SNTG1: variants seen among roughly 807,000 people sequenced by gnomAD.
SNTG1 encodes the protein syntrophin gamma 1.
In SNTG1, 39 loss-of-function variants were observed where a neutral mutation model predicts 74.7. That is an observed-to-expected ratio of 0.52 (90% CI 0.40 to 0.68). SNTG1 has a LOEUF of 0.68. Ranked by LOEUF, SNTG1 falls within the 30% of genes least tolerant of loss-of-function variation. The pLI, the probability that SNTG1 is intolerant of heterozygous loss-of-function variation, is 0.00. For missense variants in SNTG1, 685 were observed against 609.5 expected, an observed-to-expected ratio of 1.12 and a Z score of -1.30; for synonymous variants, 254 against 217.1, an observed-to-expected ratio of 1.17 and a Z score of -1.49.
At chr8:50,228,458 A>G (rs1212613719) in intron 2 of SNTG1, among the ~76,000 whole-genome samples, 1 of 151,938 alleles carries the variant, frequency 6.6e-6, no homozygotes, top group Admixed American at 6.6e-5. Context: ...AAATACTAAA[A>G]TTACCTATCT....
chr8:50,669,820 G>A (rs1360093566), intron 15 of SNTG1, among the ~76,000 whole-genome samples: 3 of 152,274 alleles, frequency 2.0e-5, no homozygotes, highest in African/African-American at 7.2e-5. Context: ...AAATCCAGCA[G>A]CACATCAAAA....
chr8:50,685,983 C>G (rs1282778048), intron 15 of SNTG1, among the ~76,000 whole-genome samples: 1 of 151,870 alleles, frequency 6.6e-6, no homozygotes, highest in African/African-American at 2.4e-5. Flanking sequence ...TGCACGGGTA[C>G]CAAACATGTA....
intron 9 of SNTG1, among the ~76,000 whole-genome samples, chr8:50,520,966 T>C (rs189926777): frequency 6.6e-6 from 1 of 152,186 alleles, no homozygotes; most frequent in Non-Finnish European, 1.5e-5. Flanking sequence ...TAAGGACATA[T>C]GCACACATAT....
Position 50,335,826 on chromosome 8 carries a change from T to TTTTA in SNTG1, c.-27-58382_-27-58379dup, listed in dbSNP as rs1270763385. On this transcript the variant is annotated intron_variant, in intron 2 of 18. Transcript: ENST00000642720. Reference sequence around the variant, plus strand: ...TATGCTTTTATGTTTTATTATTTTATTTTATTTTATTTTATTTTATTTTAT... The same window carrying TTTTA: ...TATGCTTTTATGTTTTATTATTTTATTTTATTTATTTTATTTTATTTTATTTTAT... Among the ~76,000 whole-genome samples the TTTTA allele has an allele frequency of 9.6e-5, 13 of 135,014 alleles. No individual in the cohort carries two copies. In the East Asian group the frequency reaches 2.9e-3, roughly 30 times the overall value. 88.6% of individuals were successfully genotyped at this position (135,014 alleles called of 152,430 possible). A position where few individuals can be genotyped will look rare whatever the true frequency, so the allele number is the denominator to read the frequency against.
rs139954602 is a variant in SNTG1 at position 50,421,740 on chromosome 8, G to T, written c.163-16803G>T. On this transcript the variant is annotated intron_variant, in intron 4 of 18. Coordinates refer to ENST00000642720, the MANE Select transcript of SNTG1 (RefSeq NM_018967.5). ...TTGGCCCCCTAAAGGTCTGCTGAAAGATCACTGACATGAGACATATTCATT... is the reference window on the plus strand; with the variant it reads ...TTGGCCCCCTAAAGGTCTGCTGAAATATCACTGACATGAGACATATTCATT... Among the ~76,000 whole-genome samples the T allele has an allele frequency of 4.2e-3, 642 of 152,232 alleles. 11 individuals are homozygous for T. Among genetic ancestry groups the T allele is most frequent in the African/African-American group, 0.015 (619 of 41,536 alleles).
rs560922537 is a variant in SNTG1, at chr8:50,632,665, A to T, written c.850-24244A>T. Among the ~76,000 whole-genome samples, 33 of 152,336 alleles carry T rather than the reference A, an allele frequency of 2.2e-4. 1 individual carries two copies. Among genetic ancestry groups the T allele is most frequent in the Admixed American group, 5.9e-4 (9 of 15,304 alleles). ...AAAATATATTTTATATGCTATTACTATTATGAAATAATAAATAAGTAAAAC... is the reference window on the plus strand; with the variant it reads ...AAAATATATTTTATATGCTATTACTTTTATGAAATAATAAATAAGTAAAAC... On this transcript the variant is annotated intron_variant, in intron 13 of 18. Transcript: ENST00000642720.
chr8:50,191,219 G>C (rs1405123199), intron 2 of SNTG1, among the ~76,000 whole-genome samples: 2 of 151,982 alleles, frequency 1.3e-5, no homozygotes, highest in African/African-American at 4.8e-5. Flanking sequence ...AATCCTCTCT[G>C]TCCTCACTAT....
chr8:50,318,669 CTTTTCT>C (rs2090408244), intron 2 of SNTG1, among the ~76,000 whole-genome samples: 1 of 152,104 alleles, frequency 6.6e-6, no homozygotes, highest in Non-Finnish European at 1.5e-5. Flanking sequence ...GAAACTGAAG[CTTTTCT>C]GTCAATTCCT....
In SNTG1 at chr8:50,294,031, G is replaced by A. The variant is rs78575643; in HGVS notation, c.-27-100181G>A. On this transcript the variant is annotated intron_variant, in intron 2 of 18. Coordinates refer to ENST00000642720, the MANE Select transcript of SNTG1 (RefSeq NM_018967.5). ...AAACAATGATGATAAATTAATTTAC[G>A]ATCTGTTATTAGGAAATGTGGAAGA... Among the ~76,000 whole-genome samples, 415 of 152,150 alleles carry A rather than the reference G, an allele frequency of 2.7e-3. 2 individuals are homozygous for A. Among genetic ancestry groups the A allele is most frequent in the Admixed American group, 5.6e-3 (86 of 15,276 alleles).
intron 17 of SNTG1, among the ~76,000 whole-genome samples, chr8:50,730,365 C>A (rs2095510097): frequency 6.6e-6 from 1 of 152,196 alleles, no homozygotes; most frequent in East Asian, 1.9e-4. Context: ...TTAGTGAAAG[C>A]ACATATCTCT....
At chr8:50,370,222 G>A (rs186452625) in intron 2 of SNTG1, among the ~76,000 whole-genome samples, 27 of 152,246 alleles carry the variant, frequency 1.8e-4, no homozygotes, top group East Asian at 5.8e-4. Flanking sequence ...GATTCTGGGC[G>A]TGCTATGAAG....
At chr8:50,033,565 C>T (rs1817913121) in intron 1 of SNTG1, among the ~76,000 whole-genome samples, 1 of 152,148 alleles carries the variant, frequency 6.6e-6, no homozygotes, top group Non-Finnish European at 1.5e-5. Context: ...GGCTACAAAT[C>T]CAAGACTAAG....
intron 8 of SNTG1, among the ~76,000 whole-genome samples, chr8:50,485,314 A>G (rs1563456120): frequency 6.6e-6 from 1 of 152,012 alleles, no homozygotes; most frequent in Non-Finnish European, 1.5e-5. Context: ...ACAGAGGCCA[A>G]AAAAACACTT....
intron 2 of SNTG1, among the ~76,000 whole-genome samples, chr8:50,249,553 C>T (rs765976998): frequency 1.3e-4 from 20 of 152,154 alleles, no homozygotes; most frequent in Admixed American, 2.0e-4. Flanking sequence ...CCTTACAGAC[C>T]AGGCAGTGAC....
At chr8:50,478,809 G>T (rs12543066) in intron 8 of SNTG1, among the ~76,000 whole-genome samples, 90,482 of 151,918 alleles carry the variant, frequency 0.6, 31,280 homozygotes, top group Non-Finnish European at 0.77. Context: ...TATTTCACTG[G>T]AGTTCCATAT....
chr8:50,793,290 A>G lies in SNTG1; in HGVS notation c.*461A>G, dbSNP rs1371196795. 1 of 152,048 alleles carries G rather than the reference A, an allele frequency of 6.6e-6. No homozygotes were observed. The highest frequency in any genetic ancestry group is 1.5e-5 in the Non-Finnish European group (1 of 67,984). 9.4% of individuals were successfully genotyped at this position (152,048 alleles called of 1,614,324 possible). A position where few individuals can be genotyped will look rare whatever the true frequency, so the allele number is the denominator to read the frequency against. ...GACATAAAAGAGTTAAAAACCATAA[A>G]TCAGCAAGGAGCATGCAAAAAAATC... On this transcript the variant is annotated 3_prime_UTR_variant, in exon 19 of 19. Coordinates refer to ENST00000642720, the MANE Select transcript of SNTG1 (RefSeq NM_018967.5).
At chr8:50,435,362 C>T (rs937020600) in intron 4 of SNTG1, among the ~76,000 whole-genome samples, 4 of 152,114 alleles carry the variant, frequency 2.6e-5, no homozygotes, top group Non-Finnish European at 5.9e-5. Context: ...TGTTACCTGG[C>T]AACAGTCTTT....
At chr8:50,671,462 A>G (rs988648021) in intron 15 of SNTG1, among the ~76,000 whole-genome samples, 4 of 152,212 alleles carry the variant, frequency 2.6e-5, no homozygotes, top group African/African-American at 4.8e-5. Flanking sequence ...ATCACTGGCC[A>G]TCAGAGAAAT....
chr8:50,673,147 C>T lies in SNTG1; in HGVS notation c.1038+14484C>T, dbSNP rs189565738. 2.5e-4 allele frequency among the ~76,000 whole-genome samples: 38 copies of T among 152,220 alleles called. No homozygotes were observed. In the East Asian group the frequency reaches 5.4e-3, roughly 22 times the overall value. On this transcript the variant is annotated intron_variant, in intron 15 of 18. Coordinates refer to ENST00000642720, the MANE Select transcript of SNTG1 (RefSeq NM_018967.5). ...CTTCATTCTTTTTCCTTAGGATTGT[C>T]TTGGCTATAGAGGGTCTCCTTTGAT...
Sources: allele counts gnomAD v4.1 joint callset (sites outside exome capture counted in the v4.1 genomes callset), GRCh38; gene constraint gnomAD v4.1.1; transcripts MANE v1.5; gene names NCBI Gene and HGNC (gene_info 2026-07-23, HGNC 2026-07-21).